The following PSEN1 variants were observed in gnomAD, a reference collection of about 807,000 sequenced individuals.
PSEN1 encodes presenilin-1.
In PSEN1, 15 loss-of-function variants were observed where a neutral mutation model predicts 53.5. That is an observed-to-expected ratio of 0.28 (90% CI 0.19 to 0.43). The LOEUF (loss-of-function observed/expected upper bound fraction) is 0.43. Ranked by LOEUF, PSEN1 falls within the 20% of genes least tolerant of loss-of-function variation. The pLI, the probability that PSEN1 is intolerant of heterozygous loss-of-function variation, is 1.00. For synonymous variants in PSEN1, 208 were observed against 209.8 expected, an observed-to-expected ratio of 0.99 and a Z score of 0.08; for missense variants, 387 against 571.2, an observed-to-expected ratio of 0.68 and a Z score of 3.29.
intron 3 of PSEN1, 83 bp from the exon 4 acceptor site, chr14:73,170,714 T>C (rs1897859386): frequency 7.0e-7 from 1 of 1,430,528 alleles, no homozygotes; most frequent in Non-Finnish European, 9.8e-7. Flanking sequence ...TAGTGACGGG[T>C]CTGTTGTTAA....
At chr14:73,191,544 T>A (rs754080097) in intron 6 of PSEN1, among the ~76,000 whole-genome samples, 87 of 149,092 alleles carry the variant, frequency 5.8e-4, no homozygotes, top group African/African-American at 1.4e-3. Context: ...GTACATATAT[T>A]TTTTTTTTCT....
At chr14:73,199,507 T>A (rs1408252682) in intron 8 of PSEN1, among the ~76,000 whole-genome samples, 2 of 152,252 alleles carry the variant, frequency 1.3e-5, no homozygotes, top group South Asian at 2.1e-4. Flanking sequence ...CAGTGGTGGG[T>A]ATCCTCATTG....
At chr14:73,142,943 G>A (rs214276) in intron 1 of PSEN1, among the ~76,000 whole-genome samples, 152,207 of 152,318 alleles carry the variant, frequency 1, 76,048 homozygotes, top group Middle Eastern at 1. Context: ...AAAAACACCA[G>A]AGTAGATTCT....
Position 73,223,015 on chromosome 14 carries a change from T to A in PSEN1, c.*3726T>A, listed in dbSNP as rs185698561. On this transcript the variant is annotated 3_prime_UTR_variant, in exon 12 of 12. Coordinates refer to ENST00000324501, the MANE Select transcript of PSEN1 (RefSeq NM_000021.4). ...CCTAGAAGTGATCCTTGTGATCTTC[T>A]CACCTCTTTAAATTCCCACAACACA... The A allele has an allele frequency of 5.9e-5, 9 of 152,360 alleles. No individual in the cohort carries two copies. The East Asian group carries it at 1.7e-3, about 29-fold the overall frequency. The allele number at this position is 152,360 out of a possible 1,614,324, so 9.4% of individuals were successfully genotyped here.
intron 7 of PSEN1, among the ~76,000 whole-genome samples, chr14:73,194,566 C>CTTTT (rs34315326): frequency 7.8e-6 from 1 of 128,774 alleles, no homozygotes. Context: ...TGGCCATACA[C>CTTTT]TTTTTTTTTT....
chr14:73,176,389 T>C (rs1372737757), intron 5 of PSEN1, among the ~76,000 whole-genome samples: 2 of 152,240 alleles, frequency 1.3e-5, no homozygotes, highest in Non-Finnish European at 2.9e-5. Flanking sequence ...CATTATACTT[T>C]TGTTCTTCTG....
chr14:73,185,464 G>A (rs1025448756), intron 5 of PSEN1, among the ~76,000 whole-genome samples: 1 of 152,236 alleles, frequency 6.6e-6, no homozygotes, highest in Non-Finnish European at 1.5e-5. Flanking sequence ...GCGTGGCGGC[G>A]TGAGTCTGCA....
chr14:73,146,474 A>T (rs923131622), intron 1 of PSEN1, among the ~76,000 whole-genome samples: 1 of 152,114 alleles, frequency 6.6e-6, no homozygotes, highest in African/African-American at 2.4e-5. Context: ...ATTAATATGA[A>T]TTTGCATTTC....
intron 6 of PSEN1, among the ~76,000 whole-genome samples, chr14:73,191,923 CAT>C (rs1039047359): frequency 1.3e-5 from 2 of 152,112 alleles, no homozygotes; most frequent in Non-Finnish European, 2.9e-5. Context: ...TTTGTTAGCA[CAT>C]GTTTAATTTT....
At chr14:73,155,796 T>G (rs886578149) in intron 3 of PSEN1, among the ~76,000 whole-genome samples, 3 of 152,152 alleles carry the variant, frequency 2.0e-5, no homozygotes, top group African/African-American at 7.2e-5. Context: ...ACAGATTTTT[T>G]AGGGCAGTGA....
chr14:73,215,604 C>T (rs1456113117), intron 10 of PSEN1, among the ~76,000 whole-genome samples: 1 of 151,680 alleles, frequency 6.6e-6, no homozygotes, highest in Non-Finnish European at 1.5e-5. Flanking sequence ...TATTGAAGTC[C>T]TGTTAAAGGA....
intron 7 of PSEN1, among the ~76,000 whole-genome samples, chr14:73,196,663 C>T (rs8018739): frequency 0.15 from 22,257 of 150,592 alleles, 1,887 homozygotes; most frequent in Middle Eastern, 0.22. Flanking sequence ...TTGGTAGAGA[C>T]GGGGTTTTGC....
At chr14:73,197,080 G>GT (rs1898982392) in intron 7 of PSEN1, among the ~76,000 whole-genome samples, 1 of 151,820 alleles carries the variant, frequency 6.6e-6, no homozygotes, top group African/African-American at 2.4e-5. Context: ...CTACAGGCAC[G>GT]CGCCACCACA....
Position 73,136,556 on chromosome 14 carries a change from G to C in PSEN1, c.-163G>C, listed in dbSNP as rs1284178393. The C allele has an allele frequency of 6.5e-6, 1 of 153,122 alleles. No homozygotes were observed. The highest frequency in any genetic ancestry group is 6.5e-5 in the Admixed American group (1 of 15,296). The allele number at this position is 153,122 out of a possible 1,614,324, so 9.5% of individuals were successfully genotyped here. On this transcript the variant is annotated 5_prime_UTR_variant, in exon 1 of 12. Transcript: ENST00000324501. Reference sequence around the variant, plus strand: ...GAAGGAACCTGAGCTACGAGCCGCGGCGGCAGCGGGGCGGCGGGGAAGCGT... The same window carrying C: ...GAAGGAACCTGAGCTACGAGCCGCGCCGGCAGCGGGGCGGCGGGGAAGCGT...
Position 73,219,304 on chromosome 14 carries a change from G to C in PSEN1, c.*15G>C. Reference sequence around the variant, plus strand: ...TTTATATCTAGCATATTTGCGGTTAGAATCCCATGGATGTTTCTTCTTTGA... The same window carrying C: ...TTTATATCTAGCATATTTGCGGTTACAATCCCATGGATGTTTCTTCTTTGA... On this transcript the variant is annotated 3_prime_UTR_variant, in exon 12 of 12. Coordinates refer to ENST00000324501, the MANE Select transcript of PSEN1 (RefSeq NM_000021.4). 1 of 1,607,354 alleles carries C rather than the reference G, an allele frequency of 6.2e-7. No individual in the cohort carries two copies. The highest frequency in any genetic ancestry group is 2.2e-5 in the East Asian group (1 of 44,848).
chr14:73,175,017 A>G (rs958341082), intron 5 of PSEN1, among the ~76,000 whole-genome samples: 1 of 152,194 alleles, frequency 6.6e-6, no homozygotes, highest in Admixed American at 6.5e-5. Context: ...TCATTTTCAA[A>G]TAATAGAAAT....
chr14:73,141,812 A>G (rs1896936263), intron 1 of PSEN1, among the ~76,000 whole-genome samples: 1 of 152,038 alleles, frequency 6.6e-6, no homozygotes. Context: ...TCACGCCTGT[A>G]ATCCCAGCAC....
Position 73,202,231 on chromosome 14 carries a change from T to C in PSEN1, c.868+4102T>C, listed in dbSNP as rs116825425. 1.2e-3 allele frequency among the ~76,000 whole-genome samples: 176 copies of C among 149,574 alleles called. 1 individual carries two copies. The highest frequency in any genetic ancestry group is 4.3e-3 in the African/African-American group (173 of 40,692). ...GGCTAATTTTTTTTTTCCATATTTT[T>C]AGTTGAGCCACAGGTTGGGAGAAGG... On this transcript the variant is annotated intron_variant, in intron 8 of 11. Transcript: ENST00000324501.
intron 3 of PSEN1, among the ~76,000 whole-genome samples, chr14:73,169,791 A>G (rs1435691021): frequency 6.6e-6 from 1 of 152,084 alleles, no homozygotes; most frequent in South Asian, 2.1e-4. Flanking sequence ...GATTACAGGC[A>G]TGTGCCACCA....
Sources: allele counts gnomAD v4.1 joint callset (sites outside exome capture counted in the v4.1 genomes callset), GRCh38; gene constraint gnomAD v4.1.1; transcripts MANE v1.5; gene names NCBI Gene and HGNC (gene_info 2026-07-23, HGNC 2026-07-21).